CTNNBL1: variants seen among roughly 807,000 people sequenced by gnomAD.
CTNNBL1 encodes the protein catenin beta like 1.
CTNNBL1 carries 31 observed loss-of-function variants against 72.7 expected under a neutral mutation model. The ratio of observed to expected loss-of-function variants is 0.43; its 90% CI spans 0.32 to 0.58. The LOEUF is 0.58. Ranked by LOEUF, CTNNBL1 falls within the 20% of genes least tolerant of loss-of-function variation. The pLI, the probability that CTNNBL1 is intolerant of heterozygous loss-of-function variation, is 0.08. For synonymous variants in CTNNBL1, 240 were observed against 267.3 expected, an observed-to-expected ratio of 0.90 and a Z score of 1.00; for missense variants, 534 against 725.1, an observed-to-expected ratio of 0.74 and a Z score of 3.03.
intron 1 of CTNNBL1, 68 bp downstream of exon 1, chr20:37,694,220 C>T: frequency 2.1e-6 from 3 of 1,406,116 alleles, no homozygotes; most frequent in Non-Finnish European, 2.9e-6. Context: ...AGCCAGAGCC[C>T]TTTCATCTCA....
intron 11 of CTNNBL1, among the ~76,000 whole-genome samples, chr20:37,806,285 A>G (rs906449716): frequency 2.0e-5 from 3 of 152,204 alleles, no homozygotes; most frequent in African/African-American, 7.2e-5. Flanking sequence ...TCAGCTCGCC[A>G]GTCCAGAAGC....
chr20:37,732,798 G>T (rs2073140323), intron 1 of CTNNBL1, 81 bp from the exon 2 acceptor site: 1 of 1,353,574 alleles, frequency 7.4e-7, no homozygotes, highest in South Asian at 1.4e-5. Context: ...CTCCCAAAGT[G>T]CTGGGATTAT....
Position 37,733,140 on chromosome 20 carries a change from C to T in CTNNBL1, c.219+73C>T, listed in dbSNP as rs1050632274. 4.8e-6 allele frequency: 6 copies of T among 1,255,588 alleles called. No individual in the cohort carries two copies. The African/African-American group carries it at 6.0e-5, about 12-fold the overall frequency. The allele number at this position is 1,255,588 out of a possible 1,614,324, so 77.8% of individuals were successfully genotyped here. ...ACGTAATTTTGGGCCAAATACTAAGCTTGTCTGAGCTTCCCATCTTCATCT... is the reference window on the plus strand; with the variant it reads ...ACGTAATTTTGGGCCAAATACTAAGTTTGTCTGAGCTTCCCATCTTCATCT... On this transcript the variant is annotated intron_variant, in intron 2 of 15. Coordinates refer to ENST00000361383, the MANE Select transcript of CTNNBL1 (RefSeq NM_030877.5).
At chr20:37,775,757 TCCC>T (rs1275428603) in intron 7 of CTNNBL1, among the ~76,000 whole-genome samples, 1 of 151,824 alleles carries the variant, frequency 6.6e-6, no homozygotes, top group East Asian at 1.9e-4. Flanking sequence ...GAAGAAAAAC[TCCC>T]CCCAACTTGA....
intron 11 of CTNNBL1, among the ~76,000 whole-genome samples, chr20:37,831,023 A>G (rs2072204453): frequency 6.6e-6 from 1 of 152,206 alleles, no homozygotes; most frequent in Admixed American, 6.5e-5. Context: ...AATGTGGCCC[A>G]GTTCTAGGCT....
intron 3 of CTNNBL1, among the ~76,000 whole-genome samples, chr20:37,742,116 C>G (rs1169430277): frequency 6.6e-6 from 1 of 152,168 alleles, no homozygotes; most frequent in Non-Finnish European, 1.5e-5. Flanking sequence ...AGCATTTCAA[C>G]AAATTCTTAT....
chr20:37,714,955 A>C (rs1044750465), intron 1 of CTNNBL1, among the ~76,000 whole-genome samples: 6 of 152,112 alleles, frequency 3.9e-5, no homozygotes, highest in Non-Finnish European at 8.8e-5. Flanking sequence ...AGAGATTTTG[A>C]CTACCAAAGT....
chr20:37,698,358 C>T (rs1235960051), intron 1 of CTNNBL1, among the ~76,000 whole-genome samples: 6 of 152,160 alleles, frequency 3.9e-5, no homozygotes, highest in Non-Finnish European at 7.4e-5. Flanking sequence ...GTTAATTGGC[C>T]GGCTAGAACC....
chr20:37,747,485 A>G (rs771505601), intron 4 of CTNNBL1, among the ~76,000 whole-genome samples: 1 of 151,888 alleles, frequency 6.6e-6, no homozygotes, highest in Non-Finnish European at 1.5e-5. Flanking sequence ...TTGACTCTCA[A>G]CCGCATTTTT....
intron 10 of CTNNBL1, among the ~76,000 whole-genome samples, chr20:37,793,886 T>G (rs1262203862): frequency 1.3e-5 from 2 of 152,068 alleles, no homozygotes; most frequent in South Asian, 4.2e-4. Flanking sequence ...GTTCAAGCAA[T>G]TCTCCTGCCT....
At chr20:37,760,516 G>A (rs1394401670) in intron 5 of CTNNBL1, among the ~76,000 whole-genome samples, 3 of 152,230 alleles carry the variant, frequency 2.0e-5, no homozygotes, top group Non-Finnish European at 4.4e-5. Context: ...ATAGATGTCT[G>A]TTTATAAGTT....
intron 10 of CTNNBL1, among the ~76,000 whole-genome samples, chr20:37,782,572 G>A (rs2122698346): frequency 6.6e-6 from 1 of 152,264 alleles, no homozygotes; most frequent in South Asian, 2.1e-4. Flanking sequence ...TTTACATTTT[G>A]TAGTAGCTAC....
intron 15 of CTNNBL1, among the ~76,000 whole-genome samples, chr20:37,860,600 T>G (rs2072483399): frequency 6.6e-6 from 1 of 152,218 alleles, no homozygotes; most frequent in Admixed American, 6.5e-5. Flanking sequence ...AAACAGTTGT[T>G]AAAATTTTTT....
chr20:37,822,477 A>G (rs1600509784), intron 11 of CTNNBL1, among the ~76,000 whole-genome samples: 2 of 152,194 alleles, frequency 1.3e-5, no homozygotes, highest in Non-Finnish European at 2.9e-5. Context: ...AATAACTTTG[A>G]AGTTAGTTTT....
At position 37,859,937 on chromosome 20, in the gene CTNNBL1, CGAG is replaced by C. The variant is rs1568815628; in HGVS notation, c.1438_1440del (p.Glu480del). On this transcript the variant is annotated inframe_deletion, in exon 14 of 16. Coordinates refer to ENST00000361383, the MANE Select transcript of CTNNBL1 (RefSeq NM_030877.5). ...GAGGAGAGATCATCGACAATGACAC[CGAG>C]GAGGAGTTCTACCTCCGGCGCCTGG... is the stretch of plus-strand genomic sequence containing the variant. 6.2e-7 allele frequency: 1 copy of C among 1,614,120 alleles called. No homozygotes were observed. Among genetic ancestry groups the C allele is most frequent in the Non-Finnish European group, 8.5e-7 (1 of 1,180,024 alleles).
intron 15 of CTNNBL1, among the ~76,000 whole-genome samples, chr20:37,868,901 C>A (rs143123537): frequency 6.6e-6 from 1 of 152,296 alleles, no homozygotes; most frequent in East Asian, 1.9e-4. Flanking sequence ...ATTAAGACTC[C>A]TGCTTCCAGA....
chr20:37,870,003 C>T (rs565617450), intron 15 of CTNNBL1, among the ~76,000 whole-genome samples: 13 of 149,982 alleles, frequency 8.7e-5, no homozygotes, highest in Non-Finnish European at 1.9e-4. Flanking sequence ...TCATCCCTCG[C>T]CATCTCCTAA....
chr20:37,826,309 A>G (rs528129033), intron 11 of CTNNBL1, among the ~76,000 whole-genome samples: 21 of 152,372 alleles, frequency 1.4e-4, no homozygotes, highest in African/African-American at 5.0e-4. Context: ...ATATTCTGAA[A>G]GAAGAGAATG....
At position 37,790,143 on chromosome 20, in the gene CTNNBL1, T is replaced by TA. The variant is rs780410321; in HGVS notation, c.1031+10809dup. On this transcript the variant is annotated intron_variant, in intron 10 of 15. Transcript: ENST00000361383. ...AACAAATAAAATGGCAATGGTATAA[T>TA]ATGTGCAGAGTAAGTTTTCGCAGGC... Among the ~76,000 whole-genome samples the TA allele has an allele frequency of 2.0e-3, 307 of 152,326 alleles. 3 individuals are homozygous for TA. Among genetic ancestry groups the TA allele is most frequent in the Non-Finnish European group, 2.5e-3 (170 of 68,036 alleles).
Sources: gnomAD v4.1 joint callset for allele counts (sites outside exome capture counted in the v4.1 genomes callset) on GRCh38, gnomAD v4.1.1 for gene constraint, MANE v1.5 for transcripts, NCBI Gene and HGNC (gene_info 2026-07-23, HGNC 2026-07-21) for gene names.